The following SPTBN4 variants were observed in gnomAD, a reference collection of about 807,000 sequenced individuals.
SPTBN4 encodes the protein spectrin beta, non-erythrocytic 4, also known as spectrin beta chain, non-erythrocytic 4.
A neutral mutation model predicts 277.8 loss-of-function variants in SPTBN4; 96 were observed. That is an observed-to-expected ratio of 0.35 (90% confidence interval 0.29 to 0.41). The LOEUF is 0.41. Ranked by LOEUF, SPTBN4 falls within the 10% of genes least tolerant of loss-of-function variation. The pLI is 1.00. For synonymous variants in SPTBN4, 1,481 were observed against 1,580.3 expected (o/e 0.94, Z 1.49); for missense variants, 3,006 against 3,595.7 (o/e 0.84, Z 4.19).
chr19:40,530,903 G>C (rs2080661911), intron 18 of SPTBN4: 1 of 151,630 alleles, frequency 6.6e-6, no homozygotes, highest in South Asian at 2.1e-4. Context: ...AGCCTTTCGA[G>C]GGGGGGCTCT....
rs937284338 is a variant in SPTBN4 at position 40,574,453 on chromosome 19, C to G, written c.7537-958C>G. 8.6e-5 allele frequency among the ~76,000 whole-genome samples: 13 copies of G among 151,912 alleles called. No individual in the cohort carries two copies. The East Asian group carries it at 2.6e-3, about 30-fold the overall frequency. ...CTCAGCTCACTGCAACCTCCACTTCCCGGGTTCAAGCGACTCTCCTGCCTC... is the reference window on the plus strand; with the variant it reads ...CTCAGCTCACTGCAACCTCCACTTCGCGGGTTCAAGCGACTCTCCTGCCTC... On this transcript the variant is annotated intron_variant, in intron 35 of 35. Coordinates refer to ENST00000598249, the MANE Select transcript of SPTBN4 (RefSeq NM_020971.3).
At position 40,523,635 on chromosome 19, in the gene SPTBN4, G is replaced by A; in HGVS notation, c.3853G>A (p.Glu1285Lys). 6.2e-7 allele frequency: 1 copy of A among 1,610,138 alleles called. No homozygotes were observed. The highest frequency in any genetic ancestry group is 1.1e-5 in the South Asian group (1 of 90,720). The change falls in exon 17 of 36, where the codon GAG (glutamate) becomes AAG (lysine). Residue 1285 changes from glutamate to lysine, a missense_variant. Glu to Lys is a moderately conservative substitution (Grantham distance 56). Around this residue, in one of 5 missense-constraint regions of SPTBN4, gnomAD observed 1,759 missense variants for 2,061.5 expected, o/e 0.85. Coordinates refer to ENST00000598249, the MANE Select transcript of SPTBN4 (RefSeq NM_020971.3). The part of the protein sequence containing the change: ...QAQEAVTRLL[E>K]KNQENQLRAQ... ...TCAGGAGGCTGTGACCCGGCTGCTG[G>A]AGAAGTAGGTCCCCTAGACCCATCC...
chr19:40,532,808 G>T, intron 19 of SPTBN4, 37 bp downstream of exon 19: 1 of 1,579,666 alleles, frequency 6.3e-7, no homozygotes, highest in South Asian at 1.2e-5. Flanking sequence ...TGTGCCAGGT[G>T]CAGGAGGCCT....
rs1294742439 is a variant in SPTBN4 at position 40,519,854 on chromosome 19, CA to C, written c.3359del (p.Asn1120ThrfsTer3). On this transcript the variant is annotated frameshift_variant, in exon 16 of 36. Transcript: ENST00000598249. LOFTEE classifies it high-confidence loss of function. The surrounding 1 kb of genome is among the most constrained non-coding windows in gnomAD (Gnocchi z 5.7). ...AAGGSEGPLP[N>X]SLEEADALLA... ...CGGGCGGCAGCGAGGGGCCCCTGCC[CA>C]ACAGCCTAGAAGAGGCGGACGCGCT... 6.8e-7 allele frequency: 1 copy of C among 1,461,564 alleles called. No individual in the cohort carries two copies. Among genetic ancestry groups the C allele is most frequent in the Non-Finnish European group, 8.9e-7 (1 of 1,119,578 alleles). 90.5% of individuals were successfully genotyped at this position (1,461,564 alleles called of 1,614,324 possible). A position where few individuals can be genotyped will look rare whatever the true frequency, so the allele number is the denominator to read the frequency against.
intron 2 of SPTBN4, among the ~76,000 whole-genome samples, chr19:40,473,919 A>G (rs1338348460): frequency 2.6e-5 from 4 of 151,574 alleles, no homozygotes; most frequent in Non-Finnish European, 5.9e-5. Flanking sequence ...AGGTGGACAG[A>G]TCTCTTGAGT....
rs1568382710 is a variant in SPTBN4, at chr19:40,570,703, G to A, written c.7294G>A (p.Asp2432Asn). ...CTTCCTACTGCGCAAGCGCGAGCTC[G>A]ACGCTAACCGCAAGTCGTCCAACCG... ...EGFLLRKREL[D>N]ANRKSSNRSW... Residue 2432 changes from aspartate (D) to asparagine (N), a missense_variant, in exon 33 of 36, where the codon GAC becomes AAC. By Grantham distance (23) the Asp-to-Asn change is conservative. Transcript: ENST00000598249. The A allele has an allele frequency of 1.2e-6, 2 of 1,608,426 alleles. No homozygotes were observed. The highest frequency in any genetic ancestry group is 2.3e-5 in the East Asian group (1 of 44,364).
chr19:40,490,228 A>G lies in SPTBN4; in HGVS notation c.475A>G (p.Thr159Ala), dbSNP rs1599724405. The change falls in exon 4 of 36, where the codon ACC (threonine) becomes GCC (alanine). Residue 159 changes from threonine to alanine, a missense_variant. Physicochemically the swap from Thr to Ala is moderately conservative, Grantham distance 58 (BLOSUM62 0). Around this residue, in one of 5 missense-constraint regions of SPTBN4, gnomAD observed 114 missense variants for 196.1 expected, o/e 0.58. Coordinates refer to ENST00000598249, the MANE Select transcript of SPTBN4 (RefSeq NM_020971.3). The surrounding 1 kb of genome is among the most constrained non-coding windows in gnomAD (Gnocchi z 4.3). ...NHRLTLGLVW[T>A]IILRFQIQVI... The stretch of plus-strand genomic sequence containing the variant: ...CCGGCTGACGCTGGGGCTGGTCTGG[A>G]CCATCATCCTGCGCTTCCAGGTGAC... 1 of 1,613,952 alleles carries G rather than the reference A, an allele frequency of 6.2e-7. No homozygotes were observed. The highest frequency in any genetic ancestry group is 8.5e-7 in the Non-Finnish European group (1 of 1,179,908).
chr19:40,570,497 C>T lies in SPTBN4; in HGVS notation c.7088C>T (p.Pro2363Leu), dbSNP rs1253454286. 2 of 1,546,688 alleles carry T rather than the reference C, an allele frequency of 1.3e-6. No homozygotes were observed. Among genetic ancestry groups the T allele is most frequent in the South Asian group, 2.3e-5 (2 of 86,816 alleles). Residue 2363 changes from proline (P) to leucine (L), a missense_variant, in exon 33 of 36, where the codon CCC becomes CTC. By Grantham distance (98) the Pro-to-Leu change is moderately conservative. This residue lies in a region of SPTBN4 where 630 missense variants were observed against 677.6 expected (regional missense o/e 0.93). Coordinates refer to ENST00000598249, the MANE Select transcript of SPTBN4 (RefSeq NM_020971.3). ...CGCCTGCCCAACGGGCTTGAGCTGC[C>T]CGAGCGGACACCTCGGCCGGACCGG... Reference protein sequence around the residue: ...PGRLPNGLELPERTPRPDRPR... With the variant: ...PGRLPNGLELLERTPRPDRPR...
intron 17 of SPTBN4, among the ~76,000 whole-genome samples, chr19:40,528,046 A>T (rs1181195151): frequency 1.6e-5 from 2 of 127,284 alleles, no homozygotes; most frequent in East Asian, 2.3e-4. Flanking sequence ...ATGGAGCGAG[A>T]CTCCATCTCA....
intron 2 of SPTBN4, among the ~76,000 whole-genome samples, chr19:40,473,868 G>A (rs115373107): frequency 4.0e-5 from 6 of 151,860 alleles, no homozygotes; most frequent in East Asian, 2.0e-4. Flanking sequence ...CTGGCCTGGC[G>A]CGGTGGCTCA....
At chr19:40,488,487 T>C (rs758523340) in intron 3 of SPTBN4, among the ~76,000 whole-genome samples, 4 of 151,996 alleles carry the variant, frequency 2.6e-5, no homozygotes, top group Admixed American at 6.6e-5. Flanking sequence ...GTGAGGGGCA[T>C]GGCTATGGAA....
In SPTBN4 at chr19:40,497,286, C is replaced by T. The variant is rs62107049; in HGVS notation, c.669-203C>T. The T allele has an allele frequency of 0.19, 109,354 of 575,260 alleles. 11,628 individuals are homozygous for T. Among genetic ancestry groups the T allele is most frequent in the Non-Finnish European group, 0.22 (71,601 of 318,804 alleles). The allele number at this position is 575,260 out of a possible 1,614,324, so 35.6% of individuals were successfully genotyped here. The stretch of plus-strand genomic sequence containing the variant: ...AAATGCACATGCACACACACATTCC[C>T]GGGAACGCACAGAGACATGCCCGCG... On this transcript the variant is annotated intron_variant, in intron 6 of 35. Coordinates refer to ENST00000598249, the MANE Select transcript of SPTBN4 (RefSeq NM_020971.3).
Position 40,490,048 on chromosome 19 carries a change from G to A in SPTBN4, c.322-27G>A, listed in dbSNP as rs1485654203. Reference sequence around the variant, plus strand: ...CATACTCCTGTCTGTCCAGACCCCCGATCGCCCACCGCCCCTGTCGCCCTA... The same window carrying A: ...CATACTCCTGTCTGTCCAGACCCCCAATCGCCCACCGCCCCTGTCGCCCTA... On this transcript the variant is annotated intron_variant, in intron 3 of 35. Transcript: ENST00000598249. The surrounding 1 kb of genome is among the most constrained non-coding windows in gnomAD (Gnocchi z 4.3). 7 of 1,578,042 alleles carry A rather than the reference G, an allele frequency of 4.4e-6. No homozygotes were observed. The highest frequency in any genetic ancestry group is 1.4e-5 in the African/African-American group (1 of 73,906).
At chr19:40,501,894 T>G in intron 7 of SPTBN4, 27 bp from the exon 8 acceptor site, 2 of 1,603,926 alleles carry the variant, frequency 1.2e-6, no homozygotes, top group Non-Finnish European at 1.7e-6. Context: ...CCCACTGTCT[T>G]GTTTCCCCAC....
intron 15 of SPTBN4, among the ~76,000 whole-genome samples, chr19:40,516,310 C>T (rs1437354292): frequency 6.6e-6 from 1 of 151,434 alleles, no homozygotes; most frequent in Non-Finnish European, 1.5e-5. Context: ...AACTCTCTCT[C>T]TCTCTCTTTT....
intron 1 of SPTBN4, among the ~76,000 whole-genome samples, chr19:40,468,010 G>C (rs1387599951): frequency 4.6e-5 from 7 of 152,002 alleles, no homozygotes; most frequent in Non-Finnish European, 8.8e-5. Context: ...CAGTGTACCA[G>C]ATACCATGAT....
rs775870887 is a variant in SPTBN4 at position 40,554,173 on chromosome 19, T to A, written c.4701T>A (p.His1567Gln). Reference sequence around the variant, plus strand: ...GCCTGCGGCGGGAGATCCAGGCGCATGGGCCGCGCCTGGAGGAGGTGCTGG... The same window carrying A: ...GCCTGCGGCGGGAGATCCAGGCGCAAGGGCCGCGCCTGGAGGAGGTGCTGG... ...NQGLRREIQA[H>Q]GPRLEEVLER... Residue 1567 changes from histidine (H) to glutamine (Q), a missense_variant, in exon 23 of 36, where the codon CAT becomes CAA. By Grantham distance (24) the His-to-Gln change is conservative (BLOSUM62 0). Around this residue, in one of 5 missense-constraint regions of SPTBN4, gnomAD observed 1,759 missense variants for 2,061.5 expected, o/e 0.85. Coordinates refer to ENST00000598249, the MANE Select transcript of SPTBN4 (RefSeq NM_020971.3). The surrounding 1 kb of genome is among the most constrained non-coding windows in gnomAD (Gnocchi z 5.7). 6.9e-6 allele frequency: 10 copies of A among 1,447,978 alleles called. No homozygotes were observed. Among genetic ancestry groups the A allele is most frequent in the East Asian group, 5.4e-5 (2 of 36,798 alleles). The allele number at this position is 1,447,978 out of a possible 1,614,324, so 89.7% of individuals were successfully genotyped here.
intron 14 of SPTBN4, among the ~76,000 whole-genome samples, 187 bp downstream of exon 14, chr19:40,513,741 T>A (rs1341982492): frequency 6.6e-6 from 1 of 152,138 alleles, no homozygotes; most frequent in African/African-American, 2.4e-5. Flanking sequence ...TGCCCACCTG[T>A]ATAATGGGGG....
In SPTBN4 at chr19:40,525,975, G is replaced by C. The variant is rs1249290916; in HGVS notation, c.3857+2336G>C. ...GGGACACATTTCCCACCCTGTGGGA[G>C]GAGTGGGAGGAGTGGGAGGAGTTTC... On this transcript the variant is annotated intron_variant, in intron 17 of 35. Coordinates refer to ENST00000598249, the MANE Select transcript of SPTBN4 (RefSeq NM_020971.3). Among the ~76,000 whole-genome samples the C allele has an allele frequency of 3.9e-5, 6 of 152,020 alleles. No individual in the cohort carries two copies. In the East Asian group the frequency reaches 1.2e-3, roughly 29 times the overall value.
Sources: allele counts gnomAD v4.1 joint callset (sites outside exome capture counted in the v4.1 genomes callset), GRCh38; gene constraint gnomAD v4.1.1; regional missense constraint gnomAD v4.1.1; non-coding constraint Gnocchi (gnomAD v3.1); transcripts MANE v1.5; gene names NCBI Gene and HGNC (gene_info 2026-07-23, HGNC 2026-07-21).